The following HSPA12A variants were observed in gnomAD, a reference collection of about 807,000 sequenced individuals.
The protein encoded by HSPA12A is heat shock 70 kDa protein 12A.
HSPA12A carries 28 observed loss-of-function variants against 69.2 expected under a neutral mutation model. The ratio of observed to expected loss-of-function variants is 0.40; its 90% CI spans 0.30 to 0.55. HSPA12A has a LOEUF of 0.55. HSPA12A is among the 20% of genes least tolerant of loss of function. The pLI is 0.38. For missense variants in HSPA12A, 686 were observed against 900.7 expected, an observed-to-expected ratio of 0.76 and a Z score of 3.05; for synonymous variants, 345 against 370.5, an observed-to-expected ratio of 0.93 and a Z score of 0.79.
intron 2 of HSPA12A, among the ~76,000 whole-genome samples, chr10:116,759,452 T>G (rs1316077987): frequency 6.6e-5 from 10 of 152,194 alleles, no homozygotes; most frequent in African/African-American, 2.4e-4. Context: ...CAGAACTAGA[T>G]CTCATGACCA....
chr10:116,674,948 A>G lies in HSPA12A; in HGVS notation c.1861T>C (p.Cys621Arg). The change falls in exon 12 of 12, where the codon TGT (cysteine) becomes CGT (arginine). Residue 621 changes from cysteine (C) to arginine (R), a missense_variant. Coordinates refer to ENST00000369209, the MANE Select transcript of HSPA12A (RefSeq NM_025015.3). ...SFITDPGVKK[C>R]GTLRLDLTGT... ...GTGAGATCCAGGCGGAGCGTGCCAC[A>G]CTTCTTCACCCCGGGATCAGTGATG... 6.2e-7 allele frequency: 1 copy of G among 1,614,070 alleles called. No homozygotes were observed.
intron 4 of HSPA12A, among the ~76,000 whole-genome samples, chr10:116,699,876 G>A (rs1028078089): frequency 1.3e-5 from 2 of 152,358 alleles, no homozygotes; most frequent in South Asian, 4.1e-4. Context: ...CAACCACGCC[G>A]ATGGGCACAG....
intron 2 of HSPA12A, among the ~76,000 whole-genome samples, chr10:116,783,123 C>T (rs919539785): frequency 1.3e-5 from 2 of 152,210 alleles, no homozygotes; most frequent in Non-Finnish European, 2.9e-5. Flanking sequence ...GATGGGCAAA[C>T]TGAGGCTCTG....
At chr10:116,730,983 G>C (rs1259951082) in intron 1 of HSPA12A, among the ~76,000 whole-genome samples, 1 of 152,234 alleles carries the variant, frequency 6.6e-6, no homozygotes, top group African/African-American at 2.4e-5. Flanking sequence ...GCAGGAATCA[G>C]TGTGCTCCCA....
chr10:116,706,434 A>G (rs781786437), intron 2 of HSPA12A, among the ~76,000 whole-genome samples: 3 of 152,062 alleles, frequency 2.0e-5, no homozygotes, highest in Non-Finnish European at 4.4e-5. Flanking sequence ...GGAATAAAGG[A>G]GTCCCCAGGG....
upstream of HSPA12A, among the ~76,000 whole-genome samples, chr10:116,744,078 C>G (rs1564805959): frequency 2.0e-5 from 3 of 152,206 alleles, no homozygotes. Flanking sequence ...AGCTCCCCCG[C>G]CCTCCTGTCT....
rs143961120 is a variant in HSPA12A at position 116,688,238 on chromosome 10, C to G, written c.663+4113G>C. Among the ~76,000 whole-genome samples, 336 of 152,244 alleles carry G rather than the reference C, an allele frequency of 2.2e-3. 2 individuals are homozygous for G. The highest frequency in any genetic ancestry group is 7.4e-3 in the African/African-American group (308 of 41,530). ...GGTAGCTGCTGAACGAATGGACCCA[C>G]CAGCCCTCCAGCCAGCCTTTTTTCC... On this transcript the variant is annotated intron_variant, in intron 6 of 11. Transcript: ENST00000369209.
At chr10:116,831,182 A>G (rs543584176) in intron 2 of HSPA12A, 50 of 152,348 alleles carry the variant, frequency 3.3e-4, no homozygotes, top group African/African-American at 1.1e-3. Flanking sequence ...AAGGCACTCA[A>G]TGAAAGGAAA....
At chr10:116,784,948 A>G (rs563690194) in intron 2 of HSPA12A, among the ~76,000 whole-genome samples, 8 of 152,278 alleles carry the variant, frequency 5.3e-5, no homozygotes, top group African/African-American at 1.9e-4. Context: ...AGGAGCCAAC[A>G]GGAGAAACCA....
chr10:116,681,656 C>A, intron 8 of HSPA12A, 135 bp downstream of exon 8: 1 of 689,174 alleles, frequency 1.5e-6, no homozygotes, highest in Non-Finnish European at 2.5e-6. Context: ...CAAAAGAGCT[C>A]TCCCTGCATG....
At chr10:116,776,154 C>A (rs1283172895) in intron 2 of HSPA12A, among the ~76,000 whole-genome samples, 1 of 152,198 alleles carries the variant, frequency 6.6e-6, no homozygotes. Flanking sequence ...CACCTCACCC[C>A]CTCCCTGCCT....
At chr10:116,817,073 G>T (rs919718104) in intron 2 of HSPA12A, among the ~76,000 whole-genome samples, 10 of 152,170 alleles carry the variant, frequency 6.6e-5, no homozygotes, top group Admixed American at 4.6e-4. Flanking sequence ...CAGAAAGAAA[G>T]AATCATTCTT....
chr10:116,824,320 G>A (rs1413297256), intron 2 of HSPA12A, among the ~76,000 whole-genome samples: 2 of 152,206 alleles, frequency 1.3e-5, no homozygotes, highest in Non-Finnish European at 2.9e-5. Flanking sequence ...TACAAAATGT[G>A]TACCCACTGT....
At chr10:116,752,510 G>A (rs1241083466) in intron 2 of HSPA12A, among the ~76,000 whole-genome samples, 1 of 152,116 alleles carries the variant, frequency 6.6e-6, no homozygotes, top group Non-Finnish European at 1.5e-5. Flanking sequence ...CACAGGCCCA[G>A]CCCTCAAGTA....
intron 2 of HSPA12A, among the ~76,000 whole-genome samples, chr10:116,790,561 C>T (rs1426395438): frequency 6.6e-6 from 1 of 152,144 alleles, no homozygotes; most frequent in Non-Finnish European, 1.5e-5. Flanking sequence ...TGATCCTCTA[C>T]TCACAAGCCT....
rs1338744157 is a variant in HSPA12A at position 116,675,475 on chromosome 10, G to T, written c.1391-57C>A. ...TCACCAAAAGCCAGCAAGGAAGGGG[G>T]AACTGGGCTGCCTGCATCTGTGGGG... On this transcript the variant is annotated intron_variant, in intron 11 of 11. Transcript: ENST00000369209. The surrounding 1 kb of genome is among the most constrained non-coding windows in gnomAD (Gnocchi z 5.2). The T allele has an allele frequency of 6.7e-7, 1 of 1,486,982 alleles. No homozygotes were observed. The highest frequency in any genetic ancestry group is 1.4e-5 in the South Asian group (1 of 73,622). 92.1% of individuals were successfully genotyped at this position (1,486,982 alleles called of 1,614,324 possible). A position where few individuals can be genotyped will look rare whatever the true frequency, so the allele number is the denominator to read the frequency against.
chr10:116,777,510 C>T (rs1468966859), intron 2 of HSPA12A, among the ~76,000 whole-genome samples: 1 of 152,204 alleles, frequency 6.6e-6, no homozygotes, highest in African/African-American at 2.4e-5. Flanking sequence ...GCCACTCAGG[C>T]CTCCTCGTGC....
intron 2 of HSPA12A, among the ~76,000 whole-genome samples, chr10:116,822,869 T>C (rs1214696687): frequency 6.6e-6 from 1 of 152,030 alleles, no homozygotes; most frequent in Non-Finnish European, 1.5e-5. Flanking sequence ...GAATATGCAA[T>C]GGAAAGGGAA....
intron 7 of HSPA12A, chr10:116,683,577 T>G: frequency 2.5e-6 from 1 of 398,314 alleles, no homozygotes; most frequent in East Asian, 3.6e-5. Context: ...ACTTGGTGGG[T>G]GATGAACCAG....
Sources: gnomAD v4.1 joint callset for allele counts (sites outside exome capture counted in the v4.1 genomes callset) on GRCh38, gnomAD v4.1.1 for gene constraint, Gnocchi (gnomAD v3.1) non-coding constraint, MANE v1.5 for transcripts, NCBI Gene and HGNC (gene_info 2026-07-23, HGNC 2026-07-21) for gene names.